Variants in TTC9 observed in about 807,000 individuals in gnomAD.
TTC9 encodes the protein tetratricopeptide repeat protein 9A.
TTC9 carries 13 observed loss-of-function variants against 22.9 expected under a neutral mutation model. The observed-to-expected ratio is 0.57, with a 90% confidence interval of 0.37 to 0.90. The LOEUF is 0.90. Among genes scored for constraint, TTC9 ranks in the 40% least tolerant of loss-of-function variants. TTC9 has a pLI of 0.01. For missense variants in TTC9, 280 were observed against 291.8 expected, an observed-to-expected ratio of 0.96 and a Z score of 0.29; for synonymous variants, 148 against 133.2, an observed-to-expected ratio of 1.11 and a Z score of -0.77.
Position 70,657,263 on chromosome 14 carries a change from T to C in TTC9, c.407-10301T>C, listed in dbSNP as rs531911173. Among the ~76,000 whole-genome samples, 15 of 152,322 alleles carry C rather than the reference T, an allele frequency of 9.8e-5. No individual in the cohort carries two copies. The South Asian group carries it at 2.9e-3, about 29-fold the overall frequency. ...AGCCCTGGGCACAGGCCACGATGAG[T>C]GAATCCTTATTGACTAAGTTTACTA... is the stretch of plus-strand genomic sequence containing the variant. On this transcript the variant is annotated intron_variant, in intron 1 of 2. Transcript: ENST00000256367.
chr14:70,665,030 C>A (rs530392428), intron 1 of TTC9, among the ~76,000 whole-genome samples: 57 of 152,336 alleles, frequency 3.7e-4, no homozygotes, highest in African/African-American at 1.3e-3. Context: ...GAGGCTTCCC[C>A]ATTTCCAGGC....
intron 1 of TTC9, among the ~76,000 whole-genome samples, chr14:70,648,102 G>C (rs1885929288): frequency 6.6e-6 from 1 of 152,190 alleles, no homozygotes; most frequent in Admixed American, 6.5e-5. Flanking sequence ...CTAGGGTAAG[G>C]ATTGGTCAAA....
Position 70,667,592 on chromosome 14 carries a change from C to A in TTC9, c.435C>A (p.Asn145Lys). 1.9e-6 allele frequency: 3 copies of A among 1,614,018 alleles called. No individual in the cohort carries two copies. Among genetic ancestry groups the A allele is most frequent in the Non-Finnish European group, 2.5e-6 (3 of 1,179,892 alleles). Residue 145 changes from asparagine (N) to lysine (K), a missense_variant, in exon 2 of 3, where the codon AAC becomes AAA. Physicochemically the swap from Asn to Lys is moderately conservative, Grantham distance 94. Transcript: ENST00000256367. ...GCCTGCTCCAGGCTGAGCTGGTAAA[C>A]TATGAACGAGTCAAGGAATATTGCC... ...AACLLQAELV[N>K]YERVKEYCLK...
chr14:70,670,127 A>G (rs1886271663), intron 2 of TTC9, among the ~76,000 whole-genome samples: 3 of 152,234 alleles, frequency 2.0e-5, no homozygotes, highest in Admixed American at 2.0e-4. Flanking sequence ...AGACTTACCT[A>G]TTTTGGGCTT....
chr14:70,665,554 G>C (rs1050860745), intron 1 of TTC9, among the ~76,000 whole-genome samples: 2 of 152,216 alleles, frequency 1.3e-5, no homozygotes, highest in Admixed American at 1.3e-4. Flanking sequence ...GCCCTCGGGG[G>C]TTAGCAGCCT....
intron 1 of TTC9, among the ~76,000 whole-genome samples, chr14:70,645,572 A>T (rs1178201140): frequency 6.6e-6 from 1 of 152,252 alleles, no homozygotes; most frequent in East Asian, 1.9e-4. Context: ...CATTGGCTAG[A>T]AAGGAAGGAA....
rs1033555731 is a variant in TTC9 at position 70,674,644 on chromosome 14, A to G, written c.*3489A>G. 2 of 152,204 alleles carry G rather than the reference A, an allele frequency of 1.3e-5. No individual in the cohort carries two copies. Among genetic ancestry groups the G allele is most frequent in the Non-Finnish European group, 2.9e-5 (2 of 68,028 alleles). The allele number at this position is 152,204 out of a possible 1,614,324, so 9.4% of individuals were successfully genotyped here. A position where few individuals can be genotyped will look rare whatever the true frequency, so the allele number is the denominator to read the frequency against. Reference sequence around the variant, plus strand: ...TTTGCATCCTAGTGGAGATGCTTACACATTGTCAAACATATGTATATATTC... The same window carrying G: ...TTTGCATCCTAGTGGAGATGCTTACGCATTGTCAAACATATGTATATATTC... On this transcript the variant is annotated 3_prime_UTR_variant, in exon 3 of 3. Coordinates refer to ENST00000256367, the MANE Select transcript of TTC9 (RefSeq NM_015351.2).
chr14:70,650,226 AG>A (rs1333867844), intron 1 of TTC9, among the ~76,000 whole-genome samples: 2 of 152,326 alleles, frequency 1.3e-5, no homozygotes, highest in East Asian at 3.9e-4. Flanking sequence ...GTTTGAGACC[AG>A]TCTGGCCAAC....
At chr14:70,654,220 C>T (rs1395897756) in intron 1 of TTC9, among the ~76,000 whole-genome samples, 2 of 152,100 alleles carry the variant, frequency 1.3e-5, no homozygotes, top group African/African-American at 4.8e-5. Context: ...CTTTTCACAC[C>T]TCTCCTCCCA....
In TTC9 at chr14:70,641,918, C is replaced by T; in HGVS notation, c.-212C>T. 1 of 184,776 alleles carries T rather than the reference C, an allele frequency of 5.4e-6. No homozygotes were observed. Among genetic ancestry groups the T allele is most frequent in the Non-Finnish European group, 1.0e-5 (1 of 97,862 alleles). The allele number at this position is 184,776 out of a possible 1,614,324, so 11.4% of individuals were successfully genotyped here. A position where few individuals can be genotyped will look rare whatever the true frequency, so the allele number is the denominator to read the frequency against. On this transcript the variant is annotated 5_prime_UTR_variant, in exon 1 of 3. Transcript: ENST00000256367. ...CGGGAGGCGGGGGAGGGGCCGGCGT[C>T]CGAGGCGGCGGCGGCGGCGGCTGGA...
chr14:70,664,381 G>C (rs952578350), intron 1 of TTC9, among the ~76,000 whole-genome samples: 2 of 151,556 alleles, frequency 1.3e-5, no homozygotes, highest in African/African-American at 4.9e-5. Flanking sequence ...GTAGCGCTGA[G>C]GCCAGCCTCC....
At chr14:70,650,495 C>T (rs1424008747) in intron 1 of TTC9, among the ~76,000 whole-genome samples, 1 of 152,084 alleles carries the variant, frequency 6.6e-6, no homozygotes, top group African/African-American at 2.4e-5. Context: ...TTCCCCAATT[C>T]TCTTCAGACA....
Position 70,667,568 on chromosome 14 carries a change from C to G in TTC9, c.411C>G (p.Cys137Trp), listed in dbSNP as rs1344286951. ...TTTCCCTCCCTTCCTCCATAGCCTGCCTGCTCCAGGCTGAGCTGGTAAACT... is the reference window on the plus strand; with the variant it reads ...TTTCCCTCCCTTCCTCCATAGCCTGGCTGCTCCAGGCTGAGCTGGTAAACT... ...EIDCYNSLAA[C>W]LLQAELVNYE... The change falls in exon 2 of 3, where the codon TGC becomes TGG. Residue 137 changes from cysteine to tryptophan, a missense_variant. This residue lies in a region of TTC9 where 165 missense variants were observed against 145.4 expected (regional missense o/e 1.14). Coordinates refer to ENST00000256367, the MANE Select transcript of TTC9 (RefSeq NM_015351.2). 1 of 1,613,962 alleles carries G rather than the reference C, an allele frequency of 6.2e-7. No homozygotes were observed. The highest frequency in any genetic ancestry group is 1.7e-5 in the Admixed American group (1 of 60,026).
At chr14:70,650,977 C>CTT (rs869176720) in intron 1 of TTC9, among the ~76,000 whole-genome samples, 1 of 147,048 alleles carries the variant, frequency 6.8e-6, no homozygotes, top group Non-Finnish European at 1.5e-5. Flanking sequence ...GAGATTTTAA[C>CTT]TTTTTTTTTT....
Position 70,642,537 on chromosome 14 carries a change from T to C in TTC9, c.406+2T>C. 1 of 1,516,722 alleles carries C rather than the reference T, an allele frequency of 6.6e-7. No individual in the cohort carries two copies. The highest frequency in any genetic ancestry group is 8.9e-7 in the Non-Finnish European group (1 of 1,126,200). The allele number at this position is 1,516,722 out of a possible 1,614,324, so 94.0% of individuals were successfully genotyped here. A position where few individuals can be genotyped will look rare whatever the true frequency, so the allele number is the denominator to read the frequency against. The stretch of plus-strand genomic sequence containing the variant: ...TCGACTGTTACAACAGCCTGGCAGG[T>C]GAGCCGCGCCGCGCCCCCCGCGCCG... On this transcript the variant is annotated splice_donor_variant, in intron 1 of 2. Coordinates refer to ENST00000256367, the MANE Select transcript of TTC9 (RefSeq NM_015351.2). LOFTEE classifies it high-confidence loss of function.
At chr14:70,671,028 T>C in intron 2 of TTC9, 48 bp from the exon 3 acceptor site, 1 of 1,556,162 alleles carries the variant, frequency 6.4e-7, no homozygotes, top group African/African-American at 1.4e-5. Context: ...GTAAATGTGA[T>C]AGTTGCCCTC....
intron 1 of TTC9, among the ~76,000 whole-genome samples, chr14:70,663,017 A>G (rs1445645207): frequency 6.6e-6 from 1 of 152,048 alleles, no homozygotes; most frequent in Non-Finnish European, 1.5e-5. Context: ...ACTTACATTG[A>G]TCTGTTTTTC....
intron 1 of TTC9, among the ~76,000 whole-genome samples, chr14:70,644,679 G>GA (rs1453385347): frequency 6.6e-6 from 1 of 152,160 alleles, no homozygotes; most frequent in Non-Finnish European, 1.5e-5. Context: ...GTAACCAGGA[G>GA]AAAGAAATAG....
At chr14:70,666,783 A>G (rs1022000270) in intron 1 of TTC9, among the ~76,000 whole-genome samples, 1 of 152,224 alleles carries the variant, frequency 6.6e-6, no homozygotes, top group African/African-American at 2.4e-5. Flanking sequence ...GGATTATATC[A>G]GTAATACATG....
Sources: gnomAD v4.1 joint callset for allele counts (sites outside exome capture counted in the v4.1 genomes callset) on GRCh38, gnomAD v4.1.1 for gene constraint, gnomAD v4.1.1 regional missense constraint, MANE v1.5 for transcripts, NCBI Gene and HGNC (gene_info 2026-07-23, HGNC 2026-07-21) for gene names.